The following RHOBTB1 variants were observed in gnomAD, a reference collection of about 807,000 sequenced individuals.
RHOBTB1 encodes Rho related BTB domain containing 1, also known as rho-related BTB domain-containing protein 1.
A neutral mutation model predicts 71.6 loss-of-function variants in RHOBTB1; 40 were observed. That is an observed-to-expected ratio of 0.56 (90% CI 0.43 to 0.73). The LOEUF (loss-of-function observed/expected upper bound fraction) is 0.73, where lower values mean the gene tolerates loss of function less well. Ranked by LOEUF, RHOBTB1 falls within the 30% of genes least tolerant of loss-of-function variation. RHOBTB1 has a pLI of 0.00. For synonymous variants in RHOBTB1, 319 were observed against 334.9 expected, an observed-to-expected ratio of 0.95 and a Z score of 0.52; for missense variants, 797 against 894.0, an observed-to-expected ratio of 0.89 and a Z score of 1.38.
intron 2 of RHOBTB1, among the ~76,000 whole-genome samples, chr10:60,933,370 A>G (rs1456932210): frequency 6.6e-6 from 1 of 152,204 alleles, no homozygotes; most frequent in African/African-American, 2.4e-5. Context: ...ACTTTCATCC[A>G]ATTTTAAGGT....
At chr10:60,878,367 C>A (rs762573167) in intron 7 of RHOBTB1, among the ~76,000 whole-genome samples, 1 of 152,096 alleles carries the variant, frequency 6.6e-6, no homozygotes, top group Non-Finnish European at 1.5e-5. Context: ...ATGCCAAGCA[C>A]CTTATAATAC....
chr10:60,876,382 A>G (rs1253012120), intron 8 of RHOBTB1, among the ~76,000 whole-genome samples: 2 of 152,158 alleles, frequency 1.3e-5, no homozygotes, highest in African/African-American at 4.8e-5. Context: ...TTCACACAAA[A>G]AGCTTTACTT....
chr10:60,908,980 T>C (rs948289909), intron 4 of RHOBTB1, among the ~76,000 whole-genome samples: 3 of 152,162 alleles, frequency 2.0e-5, no homozygotes, highest in Non-Finnish European at 4.4e-5. Flanking sequence ...AAAGGGATAA[T>C]GGGTTACAGT....
chr10:60,922,923 A>G (rs1207208708), intron 2 of RHOBTB1, among the ~76,000 whole-genome samples: 2 of 152,180 alleles, frequency 1.3e-5, no homozygotes, highest in Non-Finnish European at 1.5e-5. Context: ...TTAAGACTGA[A>G]CATTAGTATA....
rs558168873 is a variant in RHOBTB1 at position 60,879,379 on chromosome 10, C to G, written c.1576-1321G>C. On this transcript the variant is annotated intron_variant, in intron 7 of 10. Transcript: ENST00000337910. The stretch of plus-strand genomic sequence containing the variant: ...TTAGTTTTTTTGAGACAGGGTCTAA[C>G]TCTGTTGCCCAGGCTGGACTGCAGT... Among the ~76,000 whole-genome samples, 5 of 152,260 alleles carry G rather than the reference C, an allele frequency of 3.3e-5. No individual in the cohort carries two copies. The South Asian group carries it at 6.2e-4, about 19-fold the overall frequency.
chr10:60,980,660 C>T (rs555050086), intron 2 of RHOBTB1, among the ~76,000 whole-genome samples: 126 of 151,838 alleles, frequency 8.3e-4, no homozygotes, highest in Non-Finnish European at 1.7e-3. Flanking sequence ...GATGGGAACA[C>T]ACATAAAAAG....
chr10:60,921,179 C>G (rs2133730052), intron 2 of RHOBTB1, among the ~76,000 whole-genome samples: 1 of 152,232 alleles, frequency 6.6e-6, no homozygotes, highest in South Asian at 2.1e-4. Context: ...AACTCTTGAT[C>G]TCAGGTGATC....
At chr10:60,862,835 C>T in the RHOBTB1 span, among the ~76,000 whole-genome samples, 1 of 137,166 alleles carries the variant, frequency 7.3e-6, no homozygotes, top group East Asian at 2.2e-4. Context: ...TTCTTTTCCT[C>T]CCTCCCTCTC....
At chr10:60,909,681 A>G (rs541683651) in intron 4 of RHOBTB1, among the ~76,000 whole-genome samples, 13 of 152,202 alleles carry the variant, frequency 8.5e-5, no homozygotes, top group Non-Finnish European at 1.6e-4. Flanking sequence ...AACAATCAAC[A>G]ACATTATAGA....
intron 2 of RHOBTB1, among the ~76,000 whole-genome samples, chr10:60,985,138 T>C (rs2134860044): frequency 6.6e-6 from 1 of 152,322 alleles, no homozygotes; most frequent in East Asian, 1.9e-4. Flanking sequence ...ACAGAGAGTT[T>C]TCCTTTTAAA....
intron 2 of RHOBTB1, among the ~76,000 whole-genome samples, chr10:60,928,899 G>A (rs2084056376): frequency 6.6e-6 from 1 of 152,144 alleles, no homozygotes; most frequent in Non-Finnish European, 1.5e-5. Flanking sequence ...AAGAAAAGAG[G>A]TGTAGCTGAC....
chr10:60,955,543 A>G (rs1013648447), intron 2 of RHOBTB1, among the ~76,000 whole-genome samples: 2 of 152,184 alleles, frequency 1.3e-5, no homozygotes, highest in Non-Finnish European at 2.9e-5. Context: ...GCTATCCCAA[A>G]CCACAGAGAG....
intron 2 of RHOBTB1, among the ~76,000 whole-genome samples, chr10:60,926,216 A>C (rs887868526): frequency 6.6e-6 from 1 of 152,154 alleles, no homozygotes; most frequent in African/African-American, 2.4e-5. Flanking sequence ...CAGCCAGGGC[A>C]ACAGAGCAAC....
At chr10:60,952,945 T>C (rs563766072) in intron 2 of RHOBTB1, among the ~76,000 whole-genome samples, 1 of 152,154 alleles carries the variant, frequency 6.6e-6, no homozygotes, top group Non-Finnish European at 1.5e-5. Flanking sequence ...AAAACACAAT[T>C]TGTGGGAAAA....
At chr10:60,899,217 A>G (rs569975466) in intron 4 of RHOBTB1, among the ~76,000 whole-genome samples, 2 of 152,348 alleles carry the variant, frequency 1.3e-5, no homozygotes, top group Admixed American at 1.3e-4. Context: ...TTATTAAAAG[A>G]AACAGCTTAA....
At chr10:60,997,635 T>A (rs1372741222) in intron 1 of RHOBTB1, among the ~76,000 whole-genome samples, 1 of 152,204 alleles carries the variant, frequency 6.6e-6, no homozygotes. Flanking sequence ...AAATTTTCTA[T>A]TTGGACTGTC....
intron 2 of RHOBTB1, among the ~76,000 whole-genome samples, chr10:60,955,924 C>T (rs921905428): frequency 2.0e-5 from 3 of 152,192 alleles, no homozygotes; most frequent in Non-Finnish European, 4.4e-5. Flanking sequence ...TCACTCAACA[C>T]ATTGAACTAC....
chr10:60,912,744 C>G, intron 2 of RHOBTB1: 1 of 152,292 alleles, frequency 6.6e-6, no homozygotes, highest in Admixed American at 6.5e-5. Context: ...GCTTGGTCTC[C>G]CCAGGGACAG....
At chr10:60,962,211 A>G (rs754451034) in intron 2 of RHOBTB1, among the ~76,000 whole-genome samples, 4 of 152,166 alleles carry the variant, frequency 2.6e-5, no homozygotes, top group Non-Finnish European at 5.9e-5. Flanking sequence ...TATGCATTAT[A>G]AAGTTTATAT....
Sources: allele counts gnomAD v4.1 joint callset (sites outside exome capture counted in the v4.1 genomes callset), GRCh38; gene constraint gnomAD v4.1.1; transcripts MANE v1.5; gene names NCBI Gene and HGNC (gene_info 2026-07-23, HGNC 2026-07-21).